The following IL1RAP variants were observed in gnomAD, a reference collection of about 807,000 sequenced individuals.
The protein encoded by IL1RAP is interleukin-1 receptor accessory protein.
In IL1RAP, 35 loss-of-function variants were observed where a neutral mutation model predicts 60.7. That is an observed-to-expected ratio of 0.58 (90% CI 0.44 to 0.76). The LOEUF is 0.76. Ranked by LOEUF, IL1RAP falls within the 30% of genes least tolerant of loss-of-function variation. The pLI is 0.00. For missense variants in IL1RAP, 572 were observed against 693.9 expected, an observed-to-expected ratio of 0.82 and a Z score of 1.97; for synonymous variants, 268 against 250.9, an observed-to-expected ratio of 1.07 and a Z score of -0.64.
In IL1RAP at chr3:190,645,734, A is replaced by G; in HGVS notation, c.1237A>G (p.Arg413Gly). The change falls in exon 11 of 12, where the codon AGG becomes GGG. Residue 413 changes from arginine (R) to glycine (G), a missense_variant. Transcript: ENST00000447382. ...GTATGATATTTATGTATCCTATGCA[A>G]GGAATGCGGAAGAAGAAGAATTTGT... is the stretch of plus-strand genomic sequence containing the variant. ...KEYDIYVSYA[R>G]NAEEEEFVLL... is the part of the protein sequence containing the mutation. 1 of 1,612,548 alleles carries G rather than the reference A, an allele frequency of 6.2e-7. No homozygotes were observed. The highest frequency in any genetic ancestry group is 8.5e-7 in the Non-Finnish European group (1 of 1,178,600).
chr3:190,608,412 G>A (rs952757542), intron 4 of IL1RAP, among the ~76,000 whole-genome samples: 17 of 152,112 alleles, frequency 1.1e-4, no homozygotes, highest in African/African-American at 3.9e-4. Flanking sequence ...TGATAAAAAC[G>A]GTACACCTAT....
intron 10 of IL1RAP, 36 bp downstream of exon 10, chr3:190,644,433 T>G (rs1239611854): frequency 6.8e-7 from 1 of 1,460,184 alleles, no homozygotes; most frequent in East Asian, 2.3e-5. Flanking sequence ...CCTCTTCTAC[T>G]GTCATCTTTA....
At chr3:190,601,077 C>G (rs891246409) in intron 3 of IL1RAP, among the ~76,000 whole-genome samples, 1 of 152,134 alleles carries the variant, frequency 6.6e-6, no homozygotes, top group African/African-American at 2.4e-5. Flanking sequence ...CTCTGCCTCC[C>G]GGGTTCAAGC....
At chr3:190,585,186 T>C (rs1217982892) in intron 3 of IL1RAP, among the ~76,000 whole-genome samples, 1 of 152,158 alleles carries the variant, frequency 6.6e-6, no homozygotes, top group Admixed American at 6.5e-5. Context: ...CAGCCTCATG[T>C]ATTATCTTTG....
At chr3:190,546,346 C>A (rs748653813) in intron 1 of IL1RAP, among the ~76,000 whole-genome samples, 31 of 152,132 alleles carry the variant, frequency 2.0e-4, no homozygotes, top group Non-Finnish European at 4.1e-4. Flanking sequence ...AGCTGTAGTG[C>A]CAGCTCCAAG....
At chr3:190,560,533 G>C (rs1470021564) in intron 2 of IL1RAP, among the ~76,000 whole-genome samples, 2 of 152,194 alleles carry the variant, frequency 1.3e-5, no homozygotes, top group Admixed American at 1.3e-4. Flanking sequence ...GCCTAAGTGG[G>C]TGTTTTCTGA....
At chr3:190,525,788 T>G (rs1722462227) in intron 1 of IL1RAP, among the ~76,000 whole-genome samples, 1 of 152,252 alleles carries the variant, frequency 6.6e-6, no homozygotes, top group South Asian at 2.1e-4. Flanking sequence ...GATACCATTC[T>G]TATTTCCAAA....
chr3:190,535,870 A>G (rs1723419455), intron 1 of IL1RAP, among the ~76,000 whole-genome samples: 1 of 152,176 alleles, frequency 6.6e-6, no homozygotes, highest in South Asian at 2.1e-4. Flanking sequence ...TCCTATGGTC[A>G]AGGATCGTGT....
chr3:190,626,214 G>A (rs1732248866), intron 7 of IL1RAP, among the ~76,000 whole-genome samples: 2 of 152,128 alleles, frequency 1.3e-5, no homozygotes, highest in African/African-American at 4.8e-5. Context: ...ATATCATTTA[G>A]CATCCTTAAG....
intron 3 of IL1RAP, among the ~76,000 whole-genome samples, chr3:190,598,819 T>G (rs1729604756): frequency 6.6e-6 from 1 of 152,188 alleles, no homozygotes; most frequent in Non-Finnish European, 1.5e-5. Flanking sequence ...GAAACTGCTA[T>G]CCCTTCTACC....
At position 190,648,381 on chromosome 3, in the gene IL1RAP, C is replaced by G; in HGVS notation, c.1389C>G (p.Arg463=). 6.2e-7 allele frequency: 1 copy of G among 1,608,394 alleles called. No individual in the cohort carries two copies. Among genetic ancestry groups the G allele is most frequent in the Non-Finnish European group, 8.5e-7 (1 of 1,178,494 alleles). ...TGAGCTTCATTCAGAAAAGCAGACG[C>G]CTCCTGGTTGTTCTAAGCCCCAACT... The part of the protein sequence containing the change: ...ETLSFIQKSR[R]LLVVLSPNYV... Residue 463 remains arginine (R), a synonymous_variant, in exon 12 of 12, where the codon CGC becomes CGG. Coordinates refer to ENST00000447382, the MANE Select transcript of IL1RAP (RefSeq NM_002182.4).
chr3:190,523,658 GGTCCCC>G (rs1722269725), intron 1 of IL1RAP, among the ~76,000 whole-genome samples: 1 of 152,110 alleles, frequency 6.6e-6, no homozygotes, highest in Non-Finnish European at 1.5e-5. Flanking sequence ...TAAGGATAAT[GGTCCCC>G]AGCTCTATCC....
chr3:190,590,069 G>T (rs544191581), intron 3 of IL1RAP, among the ~76,000 whole-genome samples: 119 of 152,262 alleles, frequency 7.8e-4, no homozygotes, highest in African/African-American at 2.7e-3. Flanking sequence ...TCCACATCAT[G>T]ATAGCTAAAA....
intron 1 of IL1RAP, among the ~76,000 whole-genome samples, chr3:190,542,350 G>A (rs572738597): frequency 2.0e-5 from 3 of 152,266 alleles, no homozygotes; most frequent in African/African-American, 7.2e-5. Context: ...TGTCGTGATA[G>A]CTTGAGTTAG....
intron 7 of IL1RAP, 82 bp from the exon 8 acceptor site, chr3:190,627,241 A>G: frequency 8.0e-7 from 1 of 1,247,534 alleles, no homozygotes; most frequent in Non-Finnish European, 1.1e-6. Context: ...TAATGGGCTA[A>G]CTTTGTCTTT....
chr3:190,585,327 C>G (rs1247751517), intron 3 of IL1RAP, among the ~76,000 whole-genome samples: 1 of 152,222 alleles, frequency 6.6e-6, no homozygotes, highest in African/African-American at 2.4e-5. Context: ...ATTAGCCTCA[C>G]TGCATCTCCC....
At chr3:190,554,457 G>A (rs1725223071) in intron 1 of IL1RAP, among the ~76,000 whole-genome samples, 1 of 152,058 alleles carries the variant, frequency 6.6e-6, no homozygotes, top group South Asian at 2.1e-4. Context: ...GGTTCTCCTG[G>A]GGACCCTTTA....
chr3:190,603,059 A>T (rs1244678135), intron 3 of IL1RAP, among the ~76,000 whole-genome samples: 1 of 152,098 alleles, frequency 6.6e-6, no homozygotes, highest in Non-Finnish European at 1.5e-5. Context: ...TAGATGAGTG[A>T]TTACTTTTCA....
downstream of IL1RAP, among the ~76,000 whole-genome samples, chr3:190,654,830 A>G (rs1734559012): frequency 6.6e-6 from 1 of 152,226 alleles, no homozygotes; most frequent in Non-Finnish European, 1.5e-5. Flanking sequence ...TTTTTCCTTC[A>G]GGATATGGCA....
Sources: allele counts gnomAD v4.1 joint callset (sites outside exome capture counted in the v4.1 genomes callset), GRCh38; gene constraint gnomAD v4.1.1; transcripts MANE v1.5; gene names NCBI Gene and HGNC (gene_info 2026-07-23, HGNC 2026-07-21).